CFAP299: variants seen among roughly 807,000 people sequenced by gnomAD.
CFAP299 encodes cilia- and flagella-associated protein 299.
Under a neutral mutation model 27.0 loss-of-function variants are expected in CFAP299, and 21 were observed. That is an observed-to-expected ratio of 0.78 (90% CI 0.55 to 1.12). The LOEUF is 1.12. Among genes scored for constraint, CFAP299 ranks in the 50% most tolerant of loss-of-function variants. CFAP299 has a pLI of 0.00. For missense variants in CFAP299, 310 were observed against 276.6 expected (o/e 1.12, Z -0.86); for synonymous variants, 104 against 98.1 (o/e 1.06, Z -0.36).
chr4:80,881,704 A>G (rs1439322271), intron 4 of CFAP299, among the ~76,000 whole-genome samples: 4 of 152,256 alleles, frequency 2.6e-5, no homozygotes, highest in African/African-American at 9.6e-5. Context: ...TGAAGAATTA[A>G]GAAAACATAA....
At chr4:80,693,753 G>A (rs1222981074) in intron 3 of CFAP299, among the ~76,000 whole-genome samples, 2 of 151,280 alleles carry the variant, frequency 1.3e-5, no homozygotes, top group East Asian at 3.9e-4. Context: ...TGATCTAAGC[G>A]TGGCTTGGTC....
chr4:80,891,774 A>AT lies in CFAP299; in HGVS notation c.476+21639_476+21640insT, dbSNP rs1435836332. ...AAAACTTAGAGTATAATAAAAAAAA[A>AT]AATTAAAAAAAAAATAAAAAAAAAA... On this transcript the variant is annotated intron_variant, in intron 4 of 5. Coordinates refer to ENST00000358105, the MANE Select transcript of CFAP299 (RefSeq NM_152770.3). Among the ~76,000 whole-genome samples the AT allele has an allele frequency of 3.3e-4, 38 of 115,680 alleles. 1 individual carries two copies. Among genetic ancestry groups the AT allele is most frequent in the African/African-American group, 1.8e-3 (37 of 20,768 alleles). 75.9% of individuals were successfully genotyped at this position (115,680 alleles called of 152,430 possible).
At chr4:80,749,982 T>C (rs1400513087) in intron 3 of CFAP299, among the ~76,000 whole-genome samples, 1 of 152,238 alleles carries the variant, frequency 6.6e-6, no homozygotes, top group Admixed American at 6.5e-5. Context: ...AAGTGAATTA[T>C]AAATCTTAGC....
intron 2 of CFAP299, among the ~76,000 whole-genome samples, chr4:80,502,070 T>G (rs1731777571): frequency 6.6e-6 from 1 of 152,078 alleles, no homozygotes; most frequent in Admixed American, 6.6e-5. Context: ...TATTATGAAA[T>G]GCTTAGTGCT....
chr4:80,431,055 A>G (rs1375663364), intron 2 of CFAP299, among the ~76,000 whole-genome samples: 1 of 152,078 alleles, frequency 6.6e-6, no homozygotes, highest in Non-Finnish European at 1.5e-5. Context: ...CTCTTCCTTC[A>G]CAGCAGCTGT....
At chr4:80,471,609 A>T in intron 2 of CFAP299, among the ~76,000 whole-genome samples, 1 of 17,022 alleles carries the variant, frequency 5.9e-5, no homozygotes, top group South Asian at 2.4e-3. Flanking sequence ...GGTTGGGGGG[A>T]GCAGGGTGGC....
At chr4:80,800,765 G>GTATATATATGTATACATATATA (rs1560419820) in intron 3 of CFAP299, among the ~76,000 whole-genome samples, 3 of 127,398 alleles carry the variant, frequency 2.4e-5, no homozygotes, top group African/African-American at 9.9e-5. Flanking sequence ...GTGTGTGTGT[G>GTATATATATGTATACATATATA]TGTATATATA....
At chr4:80,467,875 G>A (rs375384207) in intron 2 of CFAP299, among the ~76,000 whole-genome samples, 3 of 152,178 alleles carry the variant, frequency 2.0e-5, no homozygotes, top group Admixed American at 2.0e-4. Context: ...AGAAGAGAGA[G>A]CAAAGAGGGA....
chr4:80,390,680 T>C (rs1030079358), intron 2 of CFAP299, among the ~76,000 whole-genome samples: 8 of 145,852 alleles, frequency 5.5e-5, no homozygotes, highest in Non-Finnish European at 6.0e-5. Context: ...TATACATGTA[T>C]ACACACATAT....
chr4:80,924,552 A>G lies in CFAP299; in HGVS notation c.477-20258A>G, dbSNP rs571450031. ...TGTGTGTGTGTGTATATATATATAT[A>G]TATATATATATCTGTGTCTGTAATT... On this transcript the variant is annotated intron_variant, in intron 4 of 5. Transcript: ENST00000358105. Among the ~76,000 whole-genome samples, 186 of 146,412 alleles carry G rather than the reference A, an allele frequency of 1.3e-3. 3 individuals are homozygous for G. Among genetic ancestry groups the G allele is most frequent in the Admixed American group, 9.9e-3 (146 of 14,716 alleles).
chr4:80,443,266 A>T (rs141990949), intron 2 of CFAP299, among the ~76,000 whole-genome samples: 1 of 152,176 alleles, frequency 6.6e-6, no homozygotes. Context: ...TTGAGCATCA[A>T]TGCAAAAATC....
intron 3 of CFAP299, among the ~76,000 whole-genome samples, chr4:80,672,844 G>T (rs1373964305): frequency 6.6e-6 from 1 of 151,550 alleles, no homozygotes; most frequent in Non-Finnish European, 1.5e-5. Context: ...GGGATCAGTG[G>T]TGATATCCCC....
At chr4:80,888,252 A>G (rs1303147612) in intron 4 of CFAP299, among the ~76,000 whole-genome samples, 1 of 152,050 alleles carries the variant, frequency 6.6e-6, no homozygotes, top group Non-Finnish European at 1.5e-5. Flanking sequence ...CACACTTCAC[A>G]TACAAAGATA....
intron 2 of CFAP299, among the ~76,000 whole-genome samples, chr4:80,467,817 A>G (rs759640612): frequency 6.6e-6 from 1 of 152,208 alleles, no homozygotes; most frequent in South Asian, 2.1e-4. Context: ...ACTTACAATT[A>G]TGGTGGAAGG....
chr4:80,695,137 A>G (rs944699880), intron 3 of CFAP299, among the ~76,000 whole-genome samples: 4 of 152,182 alleles, frequency 2.6e-5, no homozygotes, highest in African/African-American at 9.7e-5. Flanking sequence ...ACAGGATAGT[A>G]TTTATAGTAT....
At chr4:80,677,366 T>G (rs1217916994) in intron 3 of CFAP299, among the ~76,000 whole-genome samples, 3 of 152,058 alleles carry the variant, frequency 2.0e-5, no homozygotes, top group Non-Finnish European at 4.4e-5. Flanking sequence ...TCTCCTACTT[T>G]CATACTCAGA....
At chr4:80,826,789 T>C (rs1164870176) in intron 3 of CFAP299, among the ~76,000 whole-genome samples, 1 of 151,942 alleles carries the variant, frequency 6.6e-6, no homozygotes, top group African/African-American at 2.4e-5. Context: ...TTGTCCATGA[T>C]AGTTTATATA....
At chr4:80,493,759 CTTTTTTTTTTTTTTTT>C (rs1177389983) in intron 2 of CFAP299, among the ~76,000 whole-genome samples, 3 of 76,768 alleles carry the variant, frequency 3.9e-5, no homozygotes, top group African/African-American at 1.8e-4. Flanking sequence ...ATCTCATATT[CTTTTTTTTTTTTTTTT>C]TTTTTTTTTT....
At chr4:80,416,471 C>T (rs1560557373) in intron 2 of CFAP299, among the ~76,000 whole-genome samples, 1 of 151,974 alleles carries the variant, frequency 6.6e-6, no homozygotes, top group Admixed American at 6.6e-5. Flanking sequence ...ACAATTTTAC[C>T]GTAAGTGTAA....
Sources: gnomAD v4.1 joint callset for allele counts (sites outside exome capture counted in the v4.1 genomes callset) on GRCh38, gnomAD v4.1.1 for gene constraint, MANE v1.5 for transcripts, NCBI Gene and HGNC (gene_info 2026-07-23, HGNC 2026-07-21) for gene names.